Variants in PLA1A observed in about 807,000 individuals in gnomAD.
PLA1A encodes the protein phosphatidylserine-specific phospholipase A1alpha.
PLA1A carries 47 observed loss-of-function variants against 49.4 expected under a neutral mutation model. That is an observed-to-expected ratio of 0.95 (90% CI 0.75 to 1.21). The LOEUF is 1.21. Ranked by LOEUF, PLA1A falls within the 50% of genes most tolerant of loss-of-function variation. The pLI is 0.00. For missense variants in PLA1A, 561 were observed against 563.9 expected (o/e 0.99, Z 0.05); for synonymous variants, 224 against 207.9 (o/e 1.08, Z -0.67).
chr3:119,614,568 T>C (rs1470338564), intron 5 of PLA1A, among the ~76,000 whole-genome samples: 4 of 136,336 alleles, frequency 2.9e-5, no homozygotes, highest in Non-Finnish European at 4.5e-5. Flanking sequence ...ATCTTGCCAC[T>C]GCACTCCAGC....
At chr3:119,607,964 G>C (rs2082711087) in intron 2 of PLA1A, among the ~76,000 whole-genome samples, 1 of 152,150 alleles carries the variant, frequency 6.6e-6, no homozygotes, top group Admixed American at 6.5e-5. Flanking sequence ...ATCCCAATCT[G>C]TTGGGAAAGA....
At chr3:119,599,706 G>A (rs2082589544) in intron 1 of PLA1A, among the ~76,000 whole-genome samples, 2 of 152,064 alleles carry the variant, frequency 1.3e-5, no homozygotes, top group Non-Finnish European at 2.9e-5. Flanking sequence ...GCAGGAAGTG[G>A]GCTTATAATA....
intron 1 of PLA1A, among the ~76,000 whole-genome samples, chr3:119,599,825 C>A (rs140191001): frequency 6.6e-6 from 1 of 152,172 alleles, no homozygotes; most frequent in African/African-American, 2.4e-5. Flanking sequence ...ATTTCCCATC[C>A]GCTTCTCTTC....
intron 8 of PLA1A, among the ~76,000 whole-genome samples, chr3:119,623,065 A>G (rs1231794180): frequency 6.6e-6 from 1 of 151,870 alleles, no homozygotes; most frequent in Admixed American, 6.5e-5. Flanking sequence ...CTGACCTCAG[A>G]TGATCTGCCT....
Position 119,616,005 on chromosome 3 carries a change from C to T in PLA1A, c.665-7C>T. On this transcript the variant is annotated splice_polypyrimidine_tract_variant and splice_region_variant and intron_variant, in intron 5 of 10. Coordinates refer to ENST00000273371, the MANE Select transcript of PLA1A (RefSeq NM_015900.4). ...AAGGAAGTTAATGGAGTTGTGCCTC[C>T]TTTCAGATTTGGGTATTCGGATTCC... The T allele has an allele frequency of 6.2e-7, 1 of 1,600,930 alleles. No homozygotes were observed. Among genetic ancestry groups the T allele is most frequent in the African/African-American group, 1.3e-5 (1 of 74,760 alleles).
chr3:119,616,342 C>G (rs1406541089), intron 6 of PLA1A, among the ~76,000 whole-genome samples: 1 of 152,200 alleles, frequency 6.6e-6, no homozygotes, highest in Non-Finnish European at 1.5e-5. Flanking sequence ...CTTGCTGTGG[C>G]AGAGGCAAGC....
At chr3:119,623,647 C>T (rs528849788) in intron 8 of PLA1A, among the ~76,000 whole-genome samples, 99 of 151,692 alleles carry the variant, frequency 6.5e-4, no homozygotes, top group African/African-American at 2.3e-3. Flanking sequence ...ACACAGCCTG[C>T]TTCCCTGACG....
At position 119,606,782 on chromosome 3, in the gene PLA1A, C is replaced by T. The variant is rs762978467; in HGVS notation, c.82C>T (p.Pro28Ser). The T allele has an allele frequency of 3.7e-6, 6 of 1,613,634 alleles. No individual in the cohort carries two copies. Among genetic ancestry groups the T allele is most frequent in the East Asian group, 2.2e-5 (1 of 44,882 alleles). Residue 28 changes from proline (P) to serine (S), a missense_variant, in exon 2 of 11, where the codon CCT becomes TCT. Pro to Ser is a moderately conservative substitution (Grantham distance 74). Transcript: ENST00000273371. Reference sequence around the variant, plus strand: ...GTTTTGTTTTCCTCCAGGGGATGCACCTCCTACCCCACAGCCAAAGTGCGC... The same window carrying T: ...GTTTTGTTTTCCTCCAGGGGATGCATCTCCTACCCCACAGCCAAAGTGCGC... ...WLSVGSSGDA[P>S]PTPQPKCADF...
intron 2 of PLA1A, among the ~76,000 whole-genome samples, chr3:119,607,876 C>A (rs932790192): frequency 2.0e-5 from 3 of 152,172 alleles, no homozygotes; most frequent in African/African-American, 7.2e-5. Context: ...TGGCACACAC[C>A]CAGTCCGCGC....
chr3:119,608,242 GAGAAAGAAAGAA>G (rs560277882), intron 2 of PLA1A, among the ~76,000 whole-genome samples: 10,854 of 123,776 alleles, frequency 0.088, 479 homozygotes, highest in Middle Eastern at 0.11. Context: ...GAAAGAAAGA[GAGAAAGAAAGAA>G]AGAAAGAAAG....
Position 119,619,670 on chromosome 3 carries a change from C to T in PLA1A, c.1012+18C>T. 6.5e-7 allele frequency: 1 copy of T among 1,530,220 alleles called. No homozygotes were observed. Among genetic ancestry groups the T allele is most frequent in the Non-Finnish European group, 9.1e-7 (1 of 1,103,268 alleles). The allele number at this position is 1,530,220 out of a possible 1,614,324, so 94.8% of individuals were successfully genotyped here. ...GTACTGCAGTGAGTAGGGGGAAATG[C>T]ATGAGCTCAGCTCTGCCAGGGCACC... On this transcript the variant is annotated intron_variant, in intron 8 of 10. Transcript: ENST00000273371.
At chr3:119,625,270 G>A (rs529478554) in intron 9 of PLA1A, 38 bp downstream of exon 9, 1 of 1,329,776 alleles carries the variant, frequency 7.5e-7, no homozygotes. Flanking sequence ...CCTCCCCTTA[G>A]GAGTTGGTTA....
rs748457591 is a variant in PLA1A at position 119,597,886 on chromosome 3, TA to T, written c.-27del. ...TCTTTGGCTTTAGGGAATTACTCCA[TA>T]CCAGCTCTGAGATTTCCAGCTCAGC... On this transcript the variant is annotated 5_prime_UTR_variant, in exon 1 of 11. Transcript: ENST00000273371. 17 of 1,523,798 alleles carry T rather than the reference TA, an allele frequency of 1.1e-5. No individual in the cohort carries two copies. Among genetic ancestry groups the T allele is most frequent in the Non-Finnish European group, 1.5e-5 (17 of 1,105,550 alleles). The allele number at this position is 1,523,798 out of a possible 1,614,324, so 94.4% of individuals were successfully genotyped here.
intron 5 of PLA1A, among the ~76,000 whole-genome samples, chr3:119,614,418 A>G (rs2082815605): frequency 6.6e-6 from 1 of 152,036 alleles, no homozygotes; most frequent in Non-Finnish European, 1.5e-5. Flanking sequence ...CTGGGCTAAC[A>G]AAGTGAAACC....
intron 2 of PLA1A, among the ~76,000 whole-genome samples, chr3:119,608,069 A>G (rs965374507): frequency 1.3e-5 from 2 of 152,048 alleles, no homozygotes; most frequent in African/African-American, 4.8e-5. Context: ...ATTTGTCTTT[A>G]TTTTTTGGAA....
At chr3:119,602,811 G>A (rs1299248282) in intron 1 of PLA1A, among the ~76,000 whole-genome samples, 1 of 152,158 alleles carries the variant, frequency 6.6e-6, no homozygotes, top group Non-Finnish European at 1.5e-5. Context: ...TGAGAGAAAT[G>A]AAGTGAGGAA....
At chr3:119,598,081 T>G in intron 1 of PLA1A, 95 bp downstream of exon 1, 3 of 733,890 alleles carry the variant, frequency 4.1e-6, no homozygotes. Context: ...GAAGATCCCC[T>G]AAAAGCCTTT....
At chr3:119,606,054 G>A (rs139279132) in intron 1 of PLA1A, among the ~76,000 whole-genome samples, 402 of 152,350 alleles carry the variant, frequency 2.6e-3, no homozygotes, top group African/African-American at 9.3e-3. Context: ...AGGCTAGTCC[G>A]CAGGGCAACT....
chr3:119,601,936 G>A lies in PLA1A; in HGVS notation c.73+3950G>A, dbSNP rs1011596597. Among the ~76,000 whole-genome samples, 214 of 152,002 alleles carry A rather than the reference G, an allele frequency of 1.4e-3. 1 individual carries two copies. The highest frequency in any genetic ancestry group is 4.8e-3 in the African/African-American group (197 of 41,458). On this transcript the variant is annotated intron_variant, in intron 1 of 10. Coordinates refer to ENST00000273371, the MANE Select transcript of PLA1A (RefSeq NM_015900.4). ...GCATATGGTTTTTCTTCTTTAGTTT[G>A]TTCATACGTGAATTATATTAATACT...
Sources: gnomAD v4.1 joint callset for allele counts (sites outside exome capture counted in the v4.1 genomes callset) on GRCh38, gnomAD v4.1.1 for gene constraint, MANE v1.5 for transcripts, NCBI Gene and HGNC (gene_info 2026-07-23, HGNC 2026-07-21) for gene names.